ADAM18: variants seen among roughly 807,000 people sequenced by gnomAD.
ADAM18 encodes the protein ADAM metallopeptidase domain 18.
A neutral mutation model predicts 94.4 loss-of-function variants in ADAM18; 117 were observed. The observed-to-expected ratio is 1.24, with a 90% CI of 1.07 to 1.45. The LOEUF is 1.45. ADAM18 is among the 40% of genes most tolerant of loss of function. The pLI, the probability that ADAM18 is intolerant of heterozygous loss-of-function variation, is 0.00. For synonymous variants in ADAM18, 327 were observed against 291.6 expected (o/e 1.12, Z -1.24); for missense variants, 936 against 880.0 (o/e 1.06, Z -0.81).
At chr8:39,689,740 A>C (rs1236092623) in intron 16 of ADAM18, among the ~76,000 whole-genome samples, 1 of 152,152 alleles carries the variant, frequency 6.6e-6, no homozygotes, top group Non-Finnish European at 1.5e-5. Context: ...GAAGAATCTC[A>C]GTGGTGGTTT....
At chr8:39,599,934 G>T (rs1272886976) in intron 2 of ADAM18, among the ~76,000 whole-genome samples, 3 of 150,870 alleles carry the variant, frequency 2.0e-5, no homozygotes, top group African/African-American at 7.3e-5. Context: ...GTATTGCACT[G>T]GCTAGAACCT....
At chr8:39,664,966 C>G (rs1056602859) in intron 13 of ADAM18, among the ~76,000 whole-genome samples, 7 of 151,816 alleles carry the variant, frequency 4.6e-5, no homozygotes, top group South Asian at 4.2e-4. Context: ...ATTTAATATA[C>G]TAAAATTCTG....
intron 6 of ADAM18, among the ~76,000 whole-genome samples, chr8:39,612,802 C>T (rs936216014): frequency 1.3e-5 from 2 of 152,000 alleles, no homozygotes; most frequent in African/African-American, 4.8e-5. Flanking sequence ...TGCCATAGCT[C>T]CTTCATCAGC....
intron 6 of ADAM18, among the ~76,000 whole-genome samples, chr8:39,620,947 G>A (rs1490406192): frequency 6.6e-6 from 1 of 151,834 alleles, no homozygotes; most frequent in African/African-American, 2.4e-5. Flanking sequence ...TACCCTAAAA[G>A]CTCTGAGTTC....
intron 17 of ADAM18, among the ~76,000 whole-genome samples, chr8:39,694,090 A>G (rs1821855822): frequency 1.3e-5 from 2 of 151,376 alleles, no homozygotes; most frequent in African/African-American, 4.8e-5. Flanking sequence ...CATCAGTATA[A>G]AGAAGTTAAG....
chr8:39,648,431 G>C lies in ADAM18; in HGVS notation c.1134G>C (p.Gln378His). 6.2e-7 allele frequency: 1 copy of C among 1,612,908 alleles called. No individual in the cohort carries two copies. Among genetic ancestry groups the C allele is most frequent in the Middle Eastern group, 1.7e-4 (1 of 6,052 alleles). Residue 378 changes from glutamine to histidine, a missense_variant, in exon 12 of 20, where the codon CAG becomes CAC. Transcript: ENST00000265707. ...FVSKFETKCLQKLSNLQPLHQ... is the reference protein window; with the variant it reads ...FVSKFETKCLHKLSNLQPLHQ... ...CAAAATTTGAGACTAAATGCCTTCAGAAGCTTTCAAATTTGCAACCATTAC... is the reference window on the plus strand; with the variant it reads ...CAAAATTTGAGACTAAATGCCTTCACAAGCTTTCAAATTTGCAACCATTAC...
intron 17 of ADAM18, among the ~76,000 whole-genome samples, chr8:39,701,778 T>C (rs554479464): frequency 4.2e-4 from 64 of 152,278 alleles, no homozygotes; most frequent in Non-Finnish European, 6.3e-4. Context: ...CCAAGGATAA[T>C]GGCCTCCAGC....
intron 2 of ADAM18, chr8:39,605,736 G>A: frequency 4.5e-6 from 1 of 222,508 alleles, no homozygotes. Context: ...AGGTTTTTGG[G>A]GAGCAGGTGG....
chr8:39,605,940 G>A (rs1819068412), intron 2 of ADAM18, among the ~76,000 whole-genome samples: 2 of 152,044 alleles, frequency 1.3e-5, no homozygotes, highest in Non-Finnish European at 2.9e-5. Context: ...CCACTTATGA[G>A]TGAGAACATG....
chr8:39,589,368 A>ATG (rs1400663858), intron 2 of ADAM18, among the ~76,000 whole-genome samples: 1 of 152,202 alleles, frequency 6.6e-6, no homozygotes, highest in Non-Finnish European at 1.5e-5. Context: ...ATATATATAT[A>ATG]TACTTCATAA....
At chr8:39,692,825 A>G (rs996602310) in intron 17 of ADAM18, 145 bp downstream of exon 17, 1 of 533,748 alleles carries the variant, frequency 1.9e-6, no homozygotes, top group East Asian at 3.1e-5. Flanking sequence ...ATTTCAAACT[A>G]TATAACATAT....
At chr8:39,609,001 G>A (rs1230008229) in intron 3 of ADAM18, 41 bp from the exon 4 acceptor site, 3 of 1,147,654 alleles carry the variant, frequency 2.6e-6, no homozygotes, top group South Asian at 2.8e-5. Flanking sequence ...ATTATATTAA[G>A]ATTATGATTC....
chr8:39,638,611 TA>T, intron 10 of ADAM18, 65 bp downstream of exon 10: 3 of 966,628 alleles, frequency 3.1e-6, no homozygotes, highest in Non-Finnish European at 3.0e-6. Flanking sequence ...TTGTAAGTAT[TA>T]ATTTAAGTAG....
intron 18 of ADAM18, among the ~76,000 whole-genome samples, chr8:39,714,809 T>C (rs1008484295): frequency 2.6e-5 from 4 of 152,104 alleles, no homozygotes; most frequent in Non-Finnish European, 5.9e-5. Flanking sequence ...TGAAACCATC[T>C]TTTCTCATCA....
intron 18 of ADAM18, among the ~76,000 whole-genome samples, chr8:39,711,307 T>G (rs969239785): frequency 2.6e-5 from 4 of 152,166 alleles, no homozygotes; most frequent in African/African-American, 9.7e-5. Flanking sequence ...AATCAGAGTT[T>G]CCTTGTTATG....
intron 2 of ADAM18, among the ~76,000 whole-genome samples, chr8:39,589,619 T>C (rs1164977367): frequency 6.6e-6 from 1 of 151,754 alleles, no homozygotes; most frequent in East Asian, 1.9e-4. Context: ...TGAAGAAATA[T>C]ATATATAAAT....
chr8:39,697,309 A>T lies in ADAM18; in HGVS notation c.1902+4629A>T, dbSNP rs564466089. 6.6e-5 allele frequency among the ~76,000 whole-genome samples: 10 copies of T among 151,666 alleles called. No individual in the cohort carries two copies. The East Asian group carries it at 1.9e-3, about 29-fold the overall frequency. On this transcript the variant is annotated intron_variant, in intron 17 of 19. Transcript: ENST00000265707. ...TACATATAAGACTACATTATCTGCA[A>T]ATATATTTTATGTTATTCTTTCTTT...
intron 10 of ADAM18, among the ~76,000 whole-genome samples, chr8:39,639,222 A>G (rs912668129): frequency 6.6e-6 from 1 of 151,980 alleles, no homozygotes; most frequent in African/African-American, 2.4e-5. Flanking sequence ...CAAAAAATAG[A>G]ATATTATCAA....
At chr8:39,638,175 G>A (rs1820135670) in intron 9 of ADAM18, among the ~76,000 whole-genome samples, 1 of 151,460 alleles carries the variant, frequency 6.6e-6, no homozygotes, top group South Asian at 2.1e-4. Flanking sequence ...TTTAACTTTT[G>A]ATAACCAAAC....
Sources: gnomAD v4.1 joint callset for allele counts (sites outside exome capture counted in the v4.1 genomes callset) on GRCh38, gnomAD v4.1.1 for gene constraint, MANE v1.5 for transcripts, NCBI Gene and HGNC (gene_info 2026-07-23, HGNC 2026-07-21) for gene names.